PACS1: variants seen among roughly 807,000 people sequenced by gnomAD.
PACS1 encodes phosphofurin acidic cluster sorting protein 1.
In PACS1, 24 loss-of-function variants were observed where a neutral mutation model predicts 115.0. The ratio of observed to expected loss-of-function variants is 0.21; its 90% CI spans 0.15 to 0.29. The LOEUF is 0.29. Ranked by LOEUF, PACS1 falls within the 10% of genes least tolerant of loss-of-function variation. The probability of loss-of-function intolerance (pLI) is 1.00; values close to 1 mark genes in which losing one functional copy is unlikely to be tolerated. For synonymous variants in PACS1, 453 were observed against 504.5 expected, an observed-to-expected ratio of 0.90 and a Z score of 1.37; for missense variants, 838 against 1,251.2, an observed-to-expected ratio of 0.67 and a Z score of 4.98.
At position 66,238,790 on chromosome 11, in the gene PACS1, T is replaced by G. The variant is rs1424829385; in HGVS notation, c.2251-14T>G. The G allele has an allele frequency of 6.3e-7, 1 of 1,582,918 alleles. No homozygotes were observed. The highest frequency in any genetic ancestry group is 8.6e-7 in the Non-Finnish European group (1 of 1,162,150). On this transcript the variant is annotated splice_polypyrimidine_tract_variant and intron_variant, in intron 19 of 23. Transcript: ENST00000320580. Reference sequence around the variant, plus strand: ...AACAGGAGGATCTAATGAGTGCCTCTTCTCTCCTTGCAGGTGGTGAAGGTG... The same window carrying G: ...AACAGGAGGATCTAATGAGTGCCTCGTCTCTCCTTGCAGGTGGTGAAGGTG...
In PACS1 at chr11:66,120,376, C is replaced by T. The variant is rs141559760; in HGVS notation, c.356+49534C>T. On this transcript the variant is annotated intron_variant, in intron 1 of 23. Transcript: ENST00000320580. Reference sequence around the variant, plus strand: ...CCTCCCAAAGTGCTAGGGTTACAGGCGTGAGCCACTGGACCCAGCCTGAAT... The same window carrying T: ...CCTCCCAAAGTGCTAGGGTTACAGGTGTGAGCCACTGGACCCAGCCTGAAT... 3.0e-3 allele frequency among the ~76,000 whole-genome samples: 463 copies of T among 152,232 alleles called. 2 individuals carry two copies. Among genetic ancestry groups the T allele is most frequent in the African/African-American group, 0.01 (432 of 41,546 alleles).
intron 1 of PACS1, among the ~76,000 whole-genome samples, chr11:66,171,619 G>T (rs1301149361): frequency 6.7e-6 from 1 of 148,984 alleles, no homozygotes; most frequent in East Asian, 1.9e-4. Context: ...TCGCTCTGTC[G>T]CCCAGGCTGG....
At chr11:66,213,526 C>CAG (rs1565149531) in intron 4 of PACS1, among the ~76,000 whole-genome samples, 2 of 152,228 alleles carry the variant, frequency 1.3e-5, no homozygotes, top group Admixed American at 6.5e-5. Context: ...ATGTCCCCAA[C>CAG]TGGGTGTCAT....
At chr11:66,214,370 A>G (rs939964405) in intron 4 of PACS1, among the ~76,000 whole-genome samples, 1 of 151,702 alleles carries the variant, frequency 6.6e-6, no homozygotes, top group Non-Finnish European at 1.5e-5. Context: ...CCTTTTCCTC[A>G]TTGCCAGTGA....
intron 1 of PACS1, among the ~76,000 whole-genome samples, chr11:66,099,856 T>C (rs1312785974): frequency 6.7e-6 from 1 of 150,128 alleles, no homozygotes; most frequent in Non-Finnish European, 1.5e-5. Context: ...TATATCTGTT[T>C]TTGTTTTTTG....
intron 1 of PACS1, among the ~76,000 whole-genome samples, chr11:66,166,024 A>G (rs1448447571): frequency 6.6e-6 from 1 of 152,104 alleles, no homozygotes; most frequent in Non-Finnish European, 1.5e-5. Context: ...GCGATCTTGC[A>G]CAAATCATTT....
rs142343849 is a variant in PACS1, at chr11:66,181,485, G to T, written c.357-12001G>T. Among the ~76,000 whole-genome samples the T allele has an allele frequency of 5.0e-3, 764 of 152,086 alleles. 4 individuals are homozygous for T. The highest frequency in any genetic ancestry group is 0.017 in the African/African-American group (722 of 41,488). On this transcript the variant is annotated intron_variant, in intron 1 of 23. Transcript: ENST00000320580. ...CACCTCAGCTTCCCAAAGTGCTGGG[G>T]TTATAGACGTAAGCCACCCCACCCG...
intron 1 of PACS1, among the ~76,000 whole-genome samples, chr11:66,095,462 ATTG>A (rs374547711): frequency 0.026 from 4,024 of 152,238 alleles, 169 homozygotes; most frequent in African/African-American, 0.091. Flanking sequence ...TTCAAAGAGA[ATTG>A]TTGTTGTTTT....
intron 10 of PACS1, among the ~76,000 whole-genome samples, chr11:66,225,742 G>C (rs7925123): frequency 0.19 from 28,721 of 152,156 alleles, 2,842 homozygotes; most frequent in East Asian, 0.27. Flanking sequence ...CCTCCCAGCA[G>C]ACCTGTGTTA....
intron 2 of PACS1, among the ~76,000 whole-genome samples, chr11:66,201,895 G>A (rs1017104502): frequency 6.6e-6 from 1 of 152,056 alleles, no homozygotes; most frequent in Non-Finnish European, 1.5e-5. Context: ...CCAGCCTCAG[G>A]TGATCTGCTT....
At position 66,238,181 on chromosome 11, in the gene PACS1, C is replaced by T. The variant is rs1168671615; in HGVS notation, c.2251-623C>T. On this transcript the variant is annotated intron_variant, in intron 19 of 23. Coordinates refer to ENST00000320580, the MANE Select transcript of PACS1 (RefSeq NM_018026.4). ...CCTAAAGAACCCCCCCACCCCCATT[C>T]AGTACACTTCCAGATTCCAGGAAGA... 3.0e-6 allele frequency: 3 copies of T among 985,240 alleles called. No homozygotes were observed. The Admixed American group carries it at 1.8e-4, about 61-fold the overall frequency. 61.0% of individuals were successfully genotyped at this position (985,240 alleles called of 1,614,324 possible). A position where few individuals can be genotyped will look rare whatever the true frequency, so the allele number is the denominator to read the frequency against.
chr11:66,242,435 C>G (rs917076056), intron 22 of PACS1, among the ~76,000 whole-genome samples: 1 of 152,238 alleles, frequency 6.6e-6, no homozygotes, highest in Non-Finnish European at 1.5e-5. Flanking sequence ...CAGAAACTTG[C>G]AAGGGGAAGC....
At chr11:66,116,282 C>T (rs963058227) in intron 1 of PACS1, among the ~76,000 whole-genome samples, 5 of 152,214 alleles carry the variant, frequency 3.3e-5, no homozygotes, top group East Asian at 3.8e-4. Flanking sequence ...CATTTGACTG[C>T]TCATCTCACA....
chr11:66,103,147 A>G (rs1590746177), intron 1 of PACS1, among the ~76,000 whole-genome samples: 1 of 152,146 alleles, frequency 6.6e-6, no homozygotes, highest in African/African-American at 2.4e-5. Flanking sequence ...TGAGTTTTAT[A>G]TAAATGGCAC....
intron 1 of PACS1, among the ~76,000 whole-genome samples, chr11:66,149,771 C>T (rs189265393): frequency 1.3e-4 from 20 of 151,652 alleles, no homozygotes; most frequent in Non-Finnish European, 2.7e-4. Context: ...TTTTTTGAGA[C>T]GGAGTTTCGC....
At chr11:66,221,326 A>T (rs1455581683) in intron 10 of PACS1, 79 bp downstream of exon 10, 39 of 1,212,656 alleles carry the variant, frequency 3.2e-5, no homozygotes, top group Non-Finnish European at 4.0e-5. Context: ...TGCATCTCTG[A>T]TCAGGGCTCA....
chr11:66,073,943 TA>T lies in PACS1; in HGVS notation c.356+3106del, dbSNP rs1279671457. On this transcript the variant is annotated intron_variant, in intron 1 of 23. Coordinates refer to ENST00000320580, the MANE Select transcript of PACS1 (RefSeq NM_018026.4). Reference sequence around the variant, plus strand: ...TTTTTTTTTTTTTTTTTTTTTTTTTTAAAAACAGGGTCTCACTATGTTGCCC... The same window carrying T: ...TTTTTTTTTTTTTTTTTTTTTTTTTTAAAACAGGGTCTCACTATGTTGCCC... 3.4e-3 allele frequency among the ~76,000 whole-genome samples: 366 copies of T among 108,876 alleles called. 1 individual carries two copies. The highest frequency in any genetic ancestry group is 0.011 in the African/African-American group (310 of 29,336). 71.4% of individuals were successfully genotyped at this position (108,876 alleles called of 152,430 possible). A position where few individuals can be genotyped will look rare whatever the true frequency, so the allele number is the denominator to read the frequency against.
chr11:66,215,236 C>G (rs562003121), intron 4 of PACS1, among the ~76,000 whole-genome samples: 1 of 152,048 alleles, frequency 6.6e-6, no homozygotes, highest in East Asian at 1.9e-4. Flanking sequence ...CTGGCCCGAG[C>G]AGCCATTTTC....
chr11:66,181,584 A>G (rs1402964141), intron 1 of PACS1, among the ~76,000 whole-genome samples: 3 of 152,192 alleles, frequency 2.0e-5, no homozygotes, highest in Admixed American at 2.0e-4. Flanking sequence ...CTAATAAAAT[A>G]ATTATGCTTA....
Sources: allele counts gnomAD v4.1 joint callset (sites outside exome capture counted in the v4.1 genomes callset), GRCh38; gene constraint gnomAD v4.1.1; transcripts MANE v1.5; gene names NCBI Gene and HGNC (gene_info 2026-07-23, HGNC 2026-07-21).